C2CD5: variants seen among roughly 807,000 people sequenced by gnomAD.
C2CD5 encodes C2 calcium dependent domain containing 5.
C2CD5 carries 109 observed loss-of-function variants against 130.3 expected under a neutral mutation model. That is an observed-to-expected ratio of 0.84 (90% CI 0.72 to 0.98). C2CD5 has a LOEUF of 0.98. C2CD5 is among the 50% of genes least tolerant of loss of function. The probability of loss-of-function intolerance (pLI) is 0.00; values close to 1 mark genes in which losing one functional copy is unlikely to be tolerated. For synonymous variants in C2CD5, 454 were observed against 429.2 expected (o/e 1.06, Z -0.71); for missense variants, 996 against 1,261.8 (o/e 0.79, Z 3.19).
chr12:22,471,450 G>T lies in C2CD5; in HGVS notation c.2307C>A (p.Cys769Ter). The T allele has an allele frequency of 6.3e-7, 1 of 1,599,018 alleles. No homozygotes were observed. Among genetic ancestry groups the T allele is most frequent in the Non-Finnish European group, 8.6e-7 (1 of 1,167,508 alleles). ...YFKLRSMIPCCLCHVNFTVSL... is the reference protein window; with the variant it reads ...YFKLRSMIPC ...ATACTGTAAAATTTACATGGCAAAGGCAGCAGGGGATCATAGATCGTAGTT... is the reference window on the plus strand; with the variant it reads ...ATACTGTAAAATTTACATGGCAAAGTCAGCAGGGGATCATAGATCGTAGTT... Residue 769 changes from cysteine to a stop codon, truncating the protein, a stop_gained, in exon 20 of 27, where the codon TGC (cysteine) becomes TGA (stop). Transcript: ENST00000446597. LOFTEE classifies it high-confidence loss of function.
At chr12:22,489,329 T>C (rs1946038512) in intron 12 of C2CD5, among the ~76,000 whole-genome samples, 4 of 151,634 alleles carry the variant, frequency 2.6e-5, no homozygotes, top group Non-Finnish European at 5.9e-5. Context: ...TATATATATA[T>C]ATTTAAATAT....
intron 3 of C2CD5, among the ~76,000 whole-genome samples, chr12:22,531,919 C>T (rs185406697): frequency 1.4e-3 from 210 of 152,328 alleles, no homozygotes; most frequent in Admixed American, 2.6e-3. Context: ...AGCACACCTA[C>T]ACCACTCAGA....
intron 26 of C2CD5, among the ~76,000 whole-genome samples, chr12:22,452,988 G>T (rs1309132268): frequency 6.6e-6 from 1 of 152,052 alleles, no homozygotes; most frequent in East Asian, 1.9e-4. Context: ...TTCACTATAA[G>T]ATAATTTTAC....
At chr12:22,465,596 G>A (rs929533299) in intron 22 of C2CD5, among the ~76,000 whole-genome samples, 2 of 151,788 alleles carry the variant, frequency 1.3e-5, no homozygotes, top group African/African-American at 4.8e-5. Context: ...GAAGAATCTC[G>A]CTGATTTTTT....
intron 12 of C2CD5, among the ~76,000 whole-genome samples, chr12:22,487,984 T>C (rs1945775089): frequency 7.3e-6 from 1 of 137,330 alleles, no homozygotes; most frequent in African/African-American, 2.8e-5. Context: ...TTCTCACTCA[T>C]AGGTGGGAAT....
At chr12:22,510,355 A>C (rs1349338354) in intron 9 of C2CD5, among the ~76,000 whole-genome samples, 1 of 152,218 alleles carries the variant, frequency 6.6e-6, no homozygotes, top group Admixed American at 6.5e-5. Flanking sequence ...ACCTAGATAA[A>C]GTTACATGCT....
intron 10 of C2CD5, among the ~76,000 whole-genome samples, chr12:22,505,770 T>C (rs1039877320): frequency 1.3e-5 from 2 of 152,214 alleles, no homozygotes; most frequent in Non-Finnish European, 2.9e-5. Flanking sequence ...ATTATGGTCC[T>C]ATGTTTTAAA....
intron 22 of C2CD5, among the ~76,000 whole-genome samples, chr12:22,465,496 G>C (rs1041889158): frequency 2.6e-5 from 4 of 152,012 alleles, no homozygotes; most frequent in African/African-American, 9.7e-5. Flanking sequence ...AGCTCAAGAT[G>C]TAAGCCTTTA....
intron 2 of C2CD5, among the ~76,000 whole-genome samples, chr12:22,543,215 C>G (rs544692623): frequency 1.8e-4 from 28 of 152,264 alleles, no homozygotes; most frequent in Admixed American, 3.3e-4. Context: ...TCTGGCTCAT[C>G]ACGCCAATTT....
At chr12:22,477,786 G>T (rs1328728987) in intron 15 of C2CD5, among the ~76,000 whole-genome samples, 1 of 152,010 alleles carries the variant, frequency 6.6e-6, no homozygotes, top group East Asian at 1.9e-4. Flanking sequence ...GAGCAAATTT[G>T]TAAAAAAAGA....
intron 21 of C2CD5, 42 bp downstream of exon 21, chr12:22,470,782 C>A: frequency 2.5e-6 from 3 of 1,216,846 alleles, no homozygotes. Flanking sequence ...AACCATAACA[C>A]AGACAAACAC....
Position 22,514,011 on chromosome 12 carries a change from T to A in C2CD5, c.953-632A>T, listed in dbSNP as rs566445970. On this transcript the variant is annotated intron_variant, in intron 8 of 26. Transcript: ENST00000446597. ...AAACCACAGACATGTAATAGACACA[T>A]CACAAATGTACATAGTTATGAATGA... is the stretch of plus-strand genomic sequence containing the variant. Among the ~76,000 whole-genome samples the A allele has an allele frequency of 1.9e-4, 29 of 152,258 alleles. No homozygotes were observed. The South Asian group carries it at 4.1e-3, about 22-fold the overall frequency.
At chr12:22,542,965 T>G (rs1952546752) in intron 2 of C2CD5, among the ~76,000 whole-genome samples, 1 of 152,198 alleles carries the variant, frequency 6.6e-6, no homozygotes, top group South Asian at 2.1e-4. Context: ...ACACTATGTT[T>G]TAGTTATTTG....
intron 22 of C2CD5, among the ~76,000 whole-genome samples, chr12:22,466,027 T>C (rs1942019679): frequency 6.6e-6 from 1 of 152,056 alleles, no homozygotes; most frequent in African/African-American, 2.4e-5. Flanking sequence ...TGAACATGGA[T>C]GGACAATTCA....
chr12:22,497,369 T>C (rs547662720), intron 10 of C2CD5, among the ~76,000 whole-genome samples: 34 of 152,116 alleles, frequency 2.2e-4, no homozygotes, highest in Non-Finnish European at 4.4e-4. Context: ...TTGATCATTA[T>C]TCTATGCATG....
At chr12:22,526,597 A>T (rs1214979962) in intron 4 of C2CD5, among the ~76,000 whole-genome samples, 2 of 152,152 alleles carry the variant, frequency 1.3e-5, no homozygotes, top group Non-Finnish European at 2.9e-5. Flanking sequence ...CCAAGCCAGG[A>T]GTAGTGGCTC....
intron 3 of C2CD5, among the ~76,000 whole-genome samples, chr12:22,532,727 A>G (rs1951419661): frequency 6.6e-6 from 1 of 152,212 alleles, no homozygotes; most frequent in South Asian, 2.1e-4. Context: ...GCATGATCAA[A>G]GCATCTTTCA....
chr12:22,481,757 T>C (rs901124544), intron 14 of C2CD5, among the ~76,000 whole-genome samples: 1 of 147,188 alleles, frequency 6.8e-6, no homozygotes, highest in Non-Finnish European at 1.5e-5. Context: ...CAGGACTCAA[T>C]TAATCCTCCC....
At chr12:22,496,991 T>C (rs890711206) in intron 10 of C2CD5, among the ~76,000 whole-genome samples, 1 of 152,060 alleles carries the variant, frequency 6.6e-6, no homozygotes, top group Non-Finnish European at 1.5e-5. Flanking sequence ...ACTGGTAAAA[T>C]TCTAAAACGG....
Sources: gnomAD v4.1 joint callset for allele counts (sites outside exome capture counted in the v4.1 genomes callset) on GRCh38, gnomAD v4.1.1 for gene constraint, MANE v1.5 for transcripts, NCBI Gene and HGNC (gene_info 2026-07-23, HGNC 2026-07-21) for gene names.